Variants in PLCB1 observed in about 807,000 individuals in gnomAD.
PLCB1 encodes the protein phospholipase C beta 1.
In PLCB1, 46 loss-of-function variants were observed where a neutral mutation model predicts 161.8. The ratio of observed to expected loss-of-function variants is 0.28; its 90% CI spans 0.22 to 0.36. The LOEUF (loss-of-function observed/expected upper bound fraction) is 0.36, where lower values mean the gene tolerates loss of function less well. Among genes scored for constraint, PLCB1 ranks in the 10% least tolerant of loss-of-function variants. The pLI is 1.00. For synonymous variants in PLCB1, 517 were observed against 503.7 expected (o/e 1.03, Z -0.35); for missense variants, 1,016 against 1,472.5 (o/e 0.69, Z 5.07).
chr20:8,552,395 A>G (rs1985805175), intron 3 of PLCB1, among the ~76,000 whole-genome samples: 1 of 152,142 alleles, frequency 6.6e-6, no homozygotes, highest in South Asian at 2.1e-4. Context: ...GTCCAGTTGC[A>G]CCGTGGTAGA....
chr20:8,432,556 A>G (rs1048875034), intron 3 of PLCB1, among the ~76,000 whole-genome samples: 1 of 152,202 alleles, frequency 6.6e-6, no homozygotes, highest in Admixed American at 6.5e-5. Context: ...AGAAAATTCT[A>G]TCCTTAGCAG....
At chr20:8,852,750 T>C (rs1326928040) in intron 31 of PLCB1, among the ~76,000 whole-genome samples, 4 of 152,254 alleles carry the variant, frequency 2.6e-5, no homozygotes, top group Non-Finnish European at 5.9e-5. Flanking sequence ...TTTCCCGGTT[T>C]GTAATGTTTA....
Position 8,697,845 on chromosome 20 carries a change from G to T in PLCB1, c.1167+62G>T, listed in dbSNP as rs889169592. On this transcript the variant is annotated intron_variant, in intron 11 of 31. Transcript: ENST00000338037. ...AGACACCTGATTCCTTTTGGTTAAA[G>T]CCTCCTAAGGTAGAAAGTCCCAGTG... is the stretch of plus-strand genomic sequence containing the variant. 1.0e-5 allele frequency: 15 copies of T among 1,493,190 alleles called. No homozygotes were observed. The Admixed American group carries it at 2.6e-4, about 26-fold the overall frequency. 92.5% of individuals were successfully genotyped at this position (1,493,190 alleles called of 1,614,324 possible). A position where few individuals can be genotyped will look rare whatever the true frequency, so the allele number is the denominator to read the frequency against.
chr20:8,260,545 A>C (rs1395685634), intron 2 of PLCB1, among the ~76,000 whole-genome samples: 1 of 152,070 alleles, frequency 6.6e-6, no homozygotes, highest in Non-Finnish European at 1.5e-5. Flanking sequence ...GCCTAACAGG[A>C]CCACTTGCAG....
intron 10 of PLCB1, 124 bp downstream of exon 10, chr20:8,685,202 T>C: frequency 1.1e-6 from 1 of 902,510 alleles, no homozygotes; most frequent in Non-Finnish European, 1.7e-6. Context: ...CTCTGAGAAC[T>C]CTGGGGTTCC....
chr20:8,303,491 C>T (rs984107619), intron 2 of PLCB1, among the ~76,000 whole-genome samples: 21 of 152,224 alleles, frequency 1.4e-4, no homozygotes, highest in Admixed American at 2.6e-4. Context: ...TGGAATACTG[C>T]GTTCTAGTTA....
At chr20:8,565,798 C>T (rs1986314127) in intron 3 of PLCB1, among the ~76,000 whole-genome samples, 1 of 151,982 alleles carries the variant, frequency 6.6e-6, no homozygotes, top group Non-Finnish European at 1.5e-5. Flanking sequence ...CAGTCATTTC[C>T]TCCTTCATGA....
Position 8,688,054 on chromosome 20 carries a change from T to G in PLCB1, c.1009+2976T>G, listed in dbSNP as rs536742208. Among the ~76,000 whole-genome samples, 3 of 152,340 alleles carry G rather than the reference T, an allele frequency of 2.0e-5. No individual in the cohort carries two copies. In the East Asian group the frequency reaches 5.8e-4, roughly 29 times the overall value. ...TTGCAAGAGTAAGGTGGTATCGCAT[T>G]GTGGTTTTGATTTGCATTTCCCTGA... On this transcript the variant is annotated intron_variant, in intron 10 of 31. Coordinates refer to ENST00000338037, the MANE Select transcript of PLCB1 (RefSeq NM_015192.4).
intron 7 of PLCB1, chr20:8,651,733 CT>C: frequency 2.2e-6 from 1 of 453,364 alleles, no homozygotes; most frequent in Non-Finnish European, 3.9e-6. Context: ...CGTCTGTAAA[CT>C]GGGGGAAGTG....
At chr20:8,700,214 G>A (rs925177167) in intron 11 of PLCB1, among the ~76,000 whole-genome samples, 3 of 152,176 alleles carry the variant, frequency 2.0e-5, no homozygotes, top group East Asian at 3.9e-4. Context: ...CTGCCCATCC[G>A]CCAGGAAGAC....
chr20:8,321,848 C>G (rs1192471061), intron 2 of PLCB1, among the ~76,000 whole-genome samples: 1 of 152,136 alleles, frequency 6.6e-6, no homozygotes, highest in Non-Finnish European at 1.5e-5. Flanking sequence ...GATAGACATT[C>G]CCTTGGCATG....
chr20:8,544,669 A>G (rs73894602), intron 3 of PLCB1, among the ~76,000 whole-genome samples: 12 of 152,322 alleles, frequency 7.9e-5, no homozygotes, highest in Non-Finnish European at 1.0e-4. Flanking sequence ...GTTGGAAAGG[A>G]CACCAATTAT....
chr20:8,566,321 C>G (rs532059644), intron 3 of PLCB1, among the ~76,000 whole-genome samples: 94 of 152,132 alleles, frequency 6.2e-4, no homozygotes, highest in African/African-American at 1.7e-3. Context: ...CAGTTTCTAT[C>G]GGGTTTTCAG....
chr20:8,467,082 G>A (rs1017558836), intron 3 of PLCB1, among the ~76,000 whole-genome samples: 8 of 152,112 alleles, frequency 5.3e-5, no homozygotes, highest in African/African-American at 1.9e-4. Flanking sequence ...TGGGATTATA[G>A]GCATGTGCCA....
At chr20:8,150,209 A>G (rs1046524158) in intron 1 of PLCB1, 85 bp from the exon 2 acceptor site, 43 of 581,664 alleles carry the variant, frequency 7.4e-5, no homozygotes, top group Non-Finnish European at 1.2e-4. Flanking sequence ...GAGAATCTGT[A>G]CAATTATTAC....
At chr20:8,754,692 C>G (rs1981652346) in intron 23 of PLCB1, among the ~76,000 whole-genome samples, 1 of 152,106 alleles carries the variant, frequency 6.6e-6, no homozygotes, top group Admixed American at 6.5e-5. Flanking sequence ...AAAGCGTTAC[C>G]CCTGCTGTAT....
chr20:8,647,764 C>G, intron 5 of PLCB1, 136 bp from the exon 6 acceptor site: 1 of 669,252 alleles, frequency 1.5e-6, no homozygotes. Context: ...TGGGTGCCAA[C>G]TGTGGAGACT....
At chr20:8,470,384 G>T (rs933422319) in intron 3 of PLCB1, among the ~76,000 whole-genome samples, 3 of 152,190 alleles carry the variant, frequency 2.0e-5, no homozygotes, top group African/African-American at 7.2e-5. Flanking sequence ...CACTAGCAGT[G>T]TATGATGATT....
chr20:8,432,177 G>C (rs985564261), intron 3 of PLCB1, among the ~76,000 whole-genome samples: 1 of 152,096 alleles, frequency 6.6e-6, no homozygotes, highest in Admixed American at 6.5e-5. Context: ...CGGGTTTATT[G>C]GGTGAAAGAG....
Sources: allele counts gnomAD v4.1 joint callset (sites outside exome capture counted in the v4.1 genomes callset), GRCh38; gene constraint gnomAD v4.1.1; transcripts MANE v1.5; gene names NCBI Gene and HGNC (gene_info 2026-07-23, HGNC 2026-07-21).